Variants in CARMIL3 observed in about 807,000 individuals in gnomAD.
CARMIL3 encodes capping protein, Arp2/3 and myosin-I linker protein 3.
Under a neutral mutation model 180.8 loss-of-function variants are expected in CARMIL3, and 88 were observed. That is an observed-to-expected ratio of 0.49 (90% CI 0.41 to 0.58). The LOEUF (loss-of-function observed/expected upper bound fraction) is 0.58, where lower values mean the gene tolerates loss of function less well. Among genes scored for constraint, CARMIL3 ranks in the 20% least tolerant of loss-of-function variants. CARMIL3 has a pLI of 0.00. For synonymous variants in CARMIL3, 696 were observed against 714.5 expected (o/e 0.97, Z 0.41); for missense variants, 1,548 against 1,787.0 (o/e 0.87, Z 2.41).
At position 24,056,774 on chromosome 14, in the gene CARMIL3, G is replaced by A. The variant is rs2035676181; in HGVS notation, c.952+66G>A. ...GTGCTGCCTGGGGTGTTGAGCTCCA[G>A]AGGTACACCCACACATTCACACACC... On this transcript the variant is annotated intron_variant, in intron 12 of 39. Transcript: ENST00000342740. The A allele has an allele frequency of 1.3e-5, 20 of 1,556,982 alleles. No homozygotes were observed. The South Asian group carries it at 2.1e-4, about 16-fold the overall frequency.
Position 24,059,049 on chromosome 14 carries a change from C to T in CARMIL3, c.1571+63C>T. On this transcript the variant is annotated intron_variant, in intron 19 of 39. Coordinates refer to ENST00000342740, the MANE Select transcript of CARMIL3 (RefSeq NM_138360.4). This position sits in a 1 kb window ranked among gnomAD's most constrained non-coding sequence, Gnocchi z 6.3. ...ATCATTCACCCATCCTCTTGGCTCA[C>T]CGTATTACCTCTGGCCACCTCTCTC... is the stretch of plus-strand genomic sequence containing the variant. 6.2e-7 allele frequency: 1 copy of T among 1,600,220 alleles called. No individual in the cohort carries two copies. Among genetic ancestry groups the T allele is most frequent in the South Asian group, 1.1e-5 (1 of 89,542 alleles).
chr14:24,052,333 C>A, intron 1 of CARMIL3, 140 bp downstream of exon 1: 5 of 807,288 alleles, frequency 6.2e-6, no homozygotes, highest in Non-Finnish European at 9.1e-6. Context: ...CCCCTGCATT[C>A]CAGTCCGGGC....
chr14:24,068,865 G>A lies in CARMIL3; in HGVS notation c.3881G>A (p.Gly1294Glu). 6.2e-7 allele frequency: 1 copy of A among 1,612,766 alleles called. No individual in the cohort carries two copies. The highest frequency in any genetic ancestry group is 8.5e-7 in the Non-Finnish European group (1 of 1,179,668). ...PRGRQPPQEPGVREEAEAGDA... is the reference protein window; with the variant it reads ...PRGRQPPQEPEVREEAEAGDA... ...GGCCGCCAGCCTCCCCAGGAGCCAG[G>A]GGTCAGGGAGGAGGCTGAGGCTGGA... The change falls in exon 38 of 40, where the codon GGG becomes GAG. Residue 1294 changes from glycine to glutamate, a missense_variant. By Grantham distance (98) the Gly-to-Glu change is moderately conservative (BLOSUM62 -2). Around this residue, in one of 4 missense-constraint regions of CARMIL3, gnomAD observed 668 missense variants for 687.8 expected, o/e 0.97. Transcript: ENST00000342740.
In CARMIL3 at chr14:24,058,807, G is replaced by A. The variant is rs760008621; in HGVS notation, c.1474+46G>A. Reference sequence around the variant, plus strand: ...TCCCTGGGGCCAGGGGAGAACAGGGGCCTGGAGCATGCAGAAGCAGCCCTG... The same window carrying A: ...TCCCTGGGGCCAGGGGAGAACAGGGACCTGGAGCATGCAGAAGCAGCCCTG... On this transcript the variant is annotated intron_variant, in intron 18 of 39. Transcript: ENST00000342740. The surrounding 1 kb of genome is among the most constrained non-coding windows in gnomAD (Gnocchi z 6.4). 1.9e-6 allele frequency: 3 copies of A among 1,612,112 alleles called. No homozygotes were observed. Among genetic ancestry groups the A allele is most frequent in the South Asian group, 1.1e-5 (1 of 91,030 alleles).
chr14:24,062,744 T>C lies in CARMIL3; in HGVS notation c.2604T>C (p.Asp868=). The C allele has an allele frequency of 6.2e-7, 1 of 1,613,064 alleles. No homozygotes were observed. The highest frequency in any genetic ancestry group is 8.5e-7 in the Non-Finnish European group (1 of 1,179,446). Residue 868 remains aspartate, a synonymous_variant, in exon 29 of 40, where the codon GAT becomes GAC. Transcript: ENST00000342740. ...TGACCCAGCTAAGGACGCTGTCAGA[T>C]CCACCAGGGTGCCCAGGCCAAGGGC... The part of the protein sequence containing the change: ...RHLTQLRTLS[D]PPGCPGQGQD...
chr14:24,057,728 G>A, intron 14 of CARMIL3, 75 bp from the exon 15 acceptor site: 2 of 1,293,372 alleles, frequency 1.5e-6, no homozygotes, highest in Admixed American at 2.0e-5. Context: ...TCGATGGGGA[G>A]GGAGGGGGAG....
Position 24,061,317 on chromosome 14 carries a change from G to A in CARMIL3, c.2305-180G>A. On this transcript the variant is annotated intron_variant, in intron 26 of 39. Transcript: ENST00000342740. The surrounding 1 kb of genome is among the most constrained non-coding windows in gnomAD (Gnocchi z 4.1). ...CTGTCTGTATGGTAGGGTGGAAGGA[G>A]CACTGACCAGAAAGTGGGGAAGCCT... 1 of 669,960 alleles carries A rather than the reference G, an allele frequency of 1.5e-6. No individual in the cohort carries two copies. The highest frequency in any genetic ancestry group is 2.5e-6 in the Non-Finnish European group (1 of 400,308). The allele number at this position is 669,960 out of a possible 1,614,324, so 41.5% of individuals were successfully genotyped here. A position where few individuals can be genotyped will look rare whatever the true frequency, so the allele number is the denominator to read the frequency against.
At chr14:24,052,742 G>A (rs184073355) in intron 1 of CARMIL3, among the ~76,000 whole-genome samples, 1 of 152,214 alleles carries the variant, frequency 6.6e-6, no homozygotes, top group African/African-American at 2.4e-5. Flanking sequence ...CCAAGAGCAG[G>A]AGGGTCTCTG....
At position 24,056,135 on chromosome 14, in the gene CARMIL3, C is replaced by T. The variant is rs372301802; in HGVS notation, c.771-164C>T. On this transcript the variant is annotated intron_variant, in intron 10 of 39. Transcript: ENST00000342740. ...AGGTGTGGAATGCCCCCAGGTACTC[C>T]GGAGTGGTGACAAGCTCCCTGGCAG... Among the ~76,000 whole-genome samples the T allele has an allele frequency of 4.4e-4, 67 of 152,308 alleles. No individual in the cohort carries two copies. In the South Asian group the frequency reaches 0.011, roughly 25 times the overall value.
rs1362916774 is a variant in CARMIL3, at chr14:24,060,015, C to T, written c.1914C>T (p.Ser638=). ...TGTCCTTCCCCGTGAGCGACATCTC[C>T]CAAGCCTATCGCAGCGCGCCTGAGC... ...RFMSFPVSDI[S]QAYRSAPERT... Residue 638 remains serine (S), a synonymous_variant, in exon 23 of 40, where the codon TCC becomes TCT. Transcript: ENST00000342740. The T allele has an allele frequency of 1.9e-6, 3 of 1,613,916 alleles. No homozygotes were observed. The highest frequency in any genetic ancestry group is 2.2e-5 in the East Asian group (1 of 44,896).
intron 14 of CARMIL3, 55 bp from the exon 15 acceptor site, chr14:24,057,748 G>T: frequency 6.7e-7 from 1 of 1,496,384 alleles, no homozygotes. Context: ...GTCCTTTCCT[G>T]CCACCCCCTA....
chr14:24,060,333 G>T, intron 24 of CARMIL3, 78 bp downstream of exon 24: 1 of 1,514,812 alleles, frequency 6.6e-7, no homozygotes, highest in South Asian at 1.1e-5. Context: ...AATTGAGTGG[G>T]GGAGCATGAA....
chr14:24,069,371 C>T lies in CARMIL3; in HGVS notation c.4094-8C>T. 1 of 1,614,144 alleles carries T rather than the reference C, an allele frequency of 6.2e-7. No individual in the cohort carries two copies. Among genetic ancestry groups the T allele is most frequent in the Non-Finnish European group, 8.5e-7 (1 of 1,180,010 alleles). On this transcript the variant is annotated splice_polypyrimidine_tract_variant and splice_region_variant and intron_variant, in intron 39 of 39. Coordinates refer to ENST00000342740, the MANE Select transcript of CARMIL3 (RefSeq NM_138360.4). The stretch of plus-strand genomic sequence containing the variant: ...GGAAACAGGGCTCCCTGGATTTGTC[C>T]CCAGCAGGAACCAGTGAGCCAGGAA...
At position 24,061,774 on chromosome 14, in the gene CARMIL3, A is replaced by G; in HGVS notation, c.2480+102A>G. Reference sequence around the variant, plus strand: ...TCAGCAATGAATAATGAATGGCACAATCTCCATTACAAGGATCAATCTTTA... The same window carrying G: ...TCAGCAATGAATAATGAATGGCACAGTCTCCATTACAAGGATCAATCTTTA... On this transcript the variant is annotated intron_variant, in intron 27 of 39. Transcript: ENST00000342740. This position sits in a 1 kb window ranked among gnomAD's most constrained non-coding sequence, Gnocchi z 4.1. 8.0e-7 allele frequency: 1 copy of G among 1,243,022 alleles called. No homozygotes were observed. The highest frequency in any genetic ancestry group is 1.4e-5 in the South Asian group (1 of 69,110). 77.0% of individuals were successfully genotyped at this position (1,243,022 alleles called of 1,614,324 possible). A position where few individuals can be genotyped will look rare whatever the true frequency, so the allele number is the denominator to read the frequency against.
In CARMIL3 at chr14:24,065,150, C is replaced by G. The variant is rs948645907; in HGVS notation, c.3273C>G (p.Ser1091Arg). Residue 1091 changes from serine to arginine, a missense_variant, in exon 33 of 40, where the codon AGC becomes AGG. Around this residue, in one of 4 missense-constraint regions of CARMIL3, gnomAD observed 668 missense variants for 687.8 expected, o/e 0.97. Coordinates refer to ENST00000342740, the MANE Select transcript of CARMIL3 (RefSeq NM_138360.4). The stretch of plus-strand genomic sequence containing the variant: ...CACCCCCTCCCCCGACTCAGGAGAG[C>G]CCCCCTAGCCCAGACCCCCCAAGCC... ...PPPPPPPTQE[S>R]PPSPDPPSLG... 4 of 1,060,064 alleles carry G rather than the reference C, an allele frequency of 3.8e-6. No homozygotes were observed. The Admixed American group carries it at 1.5e-4, about 39-fold the overall frequency. The allele number at this position is 1,060,064 out of a possible 1,614,324, so 65.7% of individuals were successfully genotyped here.
intron 27 of CARMIL3, 48 bp from the exon 28 acceptor site, chr14:24,062,432 G>A (rs960266): frequency 1.6e-5 from 24 of 1,527,832 alleles, no homozygotes; most frequent in African/African-American, 5.5e-5. Context: ...GGGGCCATGC[G>A]GGGGACTGAG....
rs562609811 is a variant in CARMIL3, at chr14:24,067,944, G to A, written c.3683-640G>A. Among the ~76,000 whole-genome samples, 6 of 152,398 alleles carry A rather than the reference G, an allele frequency of 3.9e-5. No individual in the cohort carries two copies. In the East Asian group the frequency reaches 1.2e-3, roughly 29 times the overall value. On this transcript the variant is annotated intron_variant, in intron 36 of 39. Transcript: ENST00000342740. ...GCCCCCAGGGCACTGCAGCCTGGAT[G>A]GGCAGCATGCCTGTGGACCCAGCAG...
In CARMIL3 at chr14:24,069,671, G is replaced by C; in HGVS notation, c.*267G>C. On this transcript the variant is annotated 3_prime_UTR_variant, in exon 40 of 40. Transcript: ENST00000342740. ...TCCTCCCCCAGGAGGGTGGATCTCT[G>C]TCCCTCTATCCCCAGGGACTCTCTC... 2 of 556,186 alleles carry C rather than the reference G, an allele frequency of 3.6e-6. No individual in the cohort carries two copies. Among genetic ancestry groups the C allele is most frequent in the East Asian group, 5.9e-5 (2 of 33,962 alleles). 34.5% of individuals were successfully genotyped at this position (556,186 alleles called of 1,614,324 possible). A position where few individuals can be genotyped will look rare whatever the true frequency, so the allele number is the denominator to read the frequency against.
At chr14:24,057,105 C>A in intron 13 of CARMIL3, 62 bp from the exon 14 acceptor site, 1 of 1,597,314 alleles carries the variant, frequency 6.3e-7, no homozygotes, top group Non-Finnish European at 8.6e-7. Context: ...GCCCCATGGC[C>A]TCTGGGGGTG....
Sources: allele counts gnomAD v4.1 joint callset (sites outside exome capture counted in the v4.1 genomes callset), GRCh38; gene constraint gnomAD v4.1.1; regional missense constraint gnomAD v4.1.1; non-coding constraint Gnocchi (gnomAD v3.1); transcripts MANE v1.5; gene names NCBI Gene and HGNC (gene_info 2026-07-23, HGNC 2026-07-21).